SDC1: variants seen among roughly 807,000 people sequenced by gnomAD.
SDC1 encodes the protein syndecan 1.
In SDC1, 14 loss-of-function variants were observed where a neutral mutation model predicts 29.7. The observed-to-expected ratio is 0.47, with a 90% CI of 0.31 to 0.74. SDC1 has a LOEUF of 0.74. Ranked by LOEUF, SDC1 falls within the 30% of genes least tolerant of loss-of-function variation. The pLI is 0.05. For synonymous variants in SDC1, 204 were observed against 175.5 expected, an observed-to-expected ratio of 1.16 and a Z score of -1.29; for missense variants, 406 against 400.3, an observed-to-expected ratio of 1.01 and a Z score of -0.12.
intron 4 of SDC1, 22 bp downstream of exon 4, chr2:20,203,065 A>AC (rs759242322): frequency 8.2e-6 from 13 of 1,578,668 alleles, no homozygotes; most frequent in African/African-American, 4.1e-5. Context: ...ACCCCAAACT[A>AC]CCCCCCTGAA....
intron 1 of SDC1, among the ~76,000 whole-genome samples, chr2:20,205,931 G>A (rs933007515): frequency 6.6e-6 from 1 of 152,218 alleles, no homozygotes; most frequent in African/African-American, 2.4e-5. Flanking sequence ...CAGCCTCCAG[G>A]CATGCTGGCC....
At chr2:20,223,786 G>C (rs2148299639) in intron 1 of SDC1, among the ~76,000 whole-genome samples, 1 of 152,354 alleles carries the variant, frequency 6.6e-6, no homozygotes, top group East Asian at 1.9e-4. Flanking sequence ...CCGGTGGCCG[G>C]GGCGGGAGAG....
Position 20,202,955 on chromosome 2 carries a change from C to A in SDC1, c.764-20G>T. ...TGACCCCTAGGGCAGGTAGACGGGG[C>A]CAGCTCAGCTCAGCGGCTCCTTGGG... is the stretch of plus-strand genomic sequence containing the variant. On this transcript the variant is annotated intron_variant, in intron 4 of 4. Coordinates refer to ENST00000254351, the MANE Select transcript of SDC1 (RefSeq NM_002997.5). 1.3e-6 allele frequency: 2 copies of A among 1,595,742 alleles called. No homozygotes were observed. The highest frequency in any genetic ancestry group is 1.7e-5 in the Admixed American group (1 of 58,516).
At position 20,204,070 on chromosome 2, in the gene SDC1, G is replaced by A. The variant is rs375790781; in HGVS notation, c.370C>T (p.Arg124Ter). The A allele has an allele frequency of 6.9e-6, 11 of 1,596,536 alleles. No individual in the cohort carries two copies. Among genetic ancestry groups the A allele is most frequent in the Non-Finnish European group, 8.6e-6 (10 of 1,168,302 alleles). Residue 124 changes from arginine to a stop codon, truncating the protein, a stop_gained, in exon 3 of 5, where the codon CGA becomes TGA. Transcript: ENST00000254351. LOFTEE classifies it high-confidence loss of function. ...GGGAGCTGTGTGGTCTCCCTGGGTC[G>A]GGGGGTGGCCTCCTGCTCCCGGGCG... ...LTAREQEATP[R>*]PRETTQLPTT...
Position 20,204,273 on chromosome 2 carries a change from G to A in SDC1, c.167C>T (p.Thr56Ile). 1 of 1,580,174 alleles carries A rather than the reference G, an allele frequency of 6.3e-7. No individual in the cohort carries two copies. The highest frequency in any genetic ancestry group is 1.1e-5 in the South Asian group (1 of 90,678). The change falls in exon 3 of 5, where the codon ACC becomes ATC. Residue 56 changes from threonine to isoleucine, a missense_variant. Coordinates refer to ENST00000254351, the MANE Select transcript of SDC1 (RefSeq NM_002997.5). ...GSGAGALQDITLSQQTPSTWK... is the reference protein window; with the variant it reads ...GSGAGALQDIILSQQTPSTWK... Reference sequence around the variant, plus strand: ...AGTGGAGGGGGTCTGCTGTGACAAGGTGATATCTTGCAAAGCACCTGCAGG... The same window carrying A: ...AGTGGAGGGGGTCTGCTGTGACAAGATGATATCTTGCAAAGCACCTGCAGG...
Position 20,204,256 on chromosome 2 carries a change from G to C in SDC1, c.184C>G (p.Pro62Ala). Residue 62 changes from proline (P) to alanine (A), a missense_variant, in exon 3 of 5, where the codon CCC (proline) becomes GCC (alanine). Transcript: ENST00000254351. Reference sequence around the variant, plus strand: ...AGCTGCGTGTCCTTCCAAGTGGAGGGGGTCTGCTGTGACAAGGTGATATCT... The same window carrying C: ...AGCTGCGTGTCCTTCCAAGTGGAGGCGGTCTGCTGTGACAAGGTGATATCT... The part of the protein sequence containing the change: ...LQDITLSQQT[P>A]STWKDTQLLT... 1 of 1,598,518 alleles carries C rather than the reference G, an allele frequency of 6.3e-7. No individual in the cohort carries two copies. Among genetic ancestry groups the C allele is most frequent in the African/African-American group, 1.3e-5 (1 of 74,914 alleles).
At position 20,220,043 on chromosome 2, in the gene SDC1, ACAGG is replaced by A. The variant is rs546488878; in HGVS notation, c.66+4755_66+4758del. 8.4e-4 allele frequency among the ~76,000 whole-genome samples: 128 copies of A among 152,356 alleles called. 1 individual carries two copies. Among genetic ancestry groups the A allele is most frequent in the African/African-American group, 3.0e-3 (124 of 41,592 alleles). ...GGTCTGGCCTGAGGGCGCCATCCAAACAGGCCCCTCCACACCCAGTCCACATGGT... is the reference window on the plus strand; with the variant it reads ...GGTCTGGCCTGAGGGCGCCATCCAAACCCCTCCACACCCAGTCCACATGGT... On this transcript the variant is annotated intron_variant, in intron 1 of 4. Transcript: ENST00000254351.
At chr2:20,223,492 C>G in intron 1 of SDC1, 1 of 330,418 alleles carries the variant, frequency 3.0e-6, no homozygotes, top group Non-Finnish European at 5.9e-6. Context: ...GGCGAGACAC[C>G]GCCACTTCCG....
intron 1 of SDC1, among the ~76,000 whole-genome samples, chr2:20,206,602 T>C (rs1677279536): frequency 6.6e-6 from 1 of 152,150 alleles, no homozygotes; most frequent in Non-Finnish European, 1.5e-5. Flanking sequence ...ACAGTCTATC[T>C]TGAGAGGGCC....
chr2:20,211,102 T>C (rs887271147), intron 1 of SDC1, among the ~76,000 whole-genome samples: 2 of 151,898 alleles, frequency 1.3e-5, no homozygotes, highest in African/African-American at 4.8e-5. Flanking sequence ...TGGCTGAGGG[T>C]GATAACCAAA....
chr2:20,219,595 T>A (rs1007558549), intron 1 of SDC1, among the ~76,000 whole-genome samples: 1 of 152,134 alleles, frequency 6.6e-6, no homozygotes, highest in African/African-American at 2.4e-5. Context: ...AGTGGAAGGT[T>A]CCAGAATACA....
At chr2:20,217,855 G>C (rs1330207391) in intron 1 of SDC1, among the ~76,000 whole-genome samples, 1 of 152,078 alleles carries the variant, frequency 6.6e-6, no homozygotes, top group Non-Finnish European at 1.5e-5. Flanking sequence ...AGGACTCTTG[G>C]GTGTGTGTGC....
Position 20,202,563 on chromosome 2 carries a change from C to G in SDC1, c.*203G>C. On this transcript the variant is annotated 3_prime_UTR_variant, in exon 5 of 5. Transcript: ENST00000254351. Reference sequence around the variant, plus strand: ...GGTCCTATGCGAGAAACCCCTGGTGCCCTAAGTCTCCAGGCAGAAGTCAGA... The same window carrying G: ...GGTCCTATGCGAGAAACCCCTGGTGGCCTAAGTCTCCAGGCAGAAGTCAGA... 2 of 619,108 alleles carry G rather than the reference C, an allele frequency of 3.2e-6. No individual in the cohort carries two copies. The highest frequency in any genetic ancestry group is 5.7e-6 in the Non-Finnish European group (2 of 350,336). The allele number at this position is 619,108 out of a possible 1,614,324, so 38.4% of individuals were successfully genotyped here. A position where few individuals can be genotyped will look rare whatever the true frequency, so the allele number is the denominator to read the frequency against.
intron 1 of SDC1, among the ~76,000 whole-genome samples, chr2:20,221,862 A>T (rs1159354536): frequency 6.6e-6 from 1 of 152,140 alleles, no homozygotes; most frequent in Non-Finnish European, 1.5e-5. Context: ...GAAGCCAGGG[A>T]TGACATCACT....
chr2:20,207,777 T>C (rs1465163464), intron 1 of SDC1: 2 of 184,884 alleles, frequency 1.1e-5, no homozygotes, highest in Non-Finnish European at 2.0e-5. Context: ...CCACATCCGA[T>C]CTACAACATC....
chr2:20,212,146 T>C (rs1403513053), intron 1 of SDC1, among the ~76,000 whole-genome samples: 1 of 152,228 alleles, frequency 6.6e-6, no homozygotes, highest in Non-Finnish European at 1.5e-5. Context: ...ACAGGGGTTC[T>C]GTCCCCCAAG....
rs779039766 is a variant in SDC1 at position 20,202,259 on chromosome 2, C to T, written c.*507G>A. On this transcript the variant is annotated 3_prime_UTR_variant, in exon 5 of 5. Coordinates refer to ENST00000254351, the MANE Select transcript of SDC1 (RefSeq NM_002997.5). ...GAACTAGAGGAAACATGTGCAAAAA[C>T]AAGTCGATATCTAGATTAGACCTCC... 1.2e-5 allele frequency: 9 copies of T among 778,908 alleles called. No individual in the cohort carries two copies. Among genetic ancestry groups the T allele is most frequent in the Non-Finnish European group, 2.2e-5 (9 of 417,794 alleles). The allele number at this position is 778,908 out of a possible 1,614,324, so 48.2% of individuals were successfully genotyped here.
At chr2:20,210,376 G>A (rs1677425003) in intron 1 of SDC1, among the ~76,000 whole-genome samples, 1 of 152,160 alleles carries the variant, frequency 6.6e-6, no homozygotes, top group South Asian at 2.1e-4. Flanking sequence ...CAGAACATAT[G>A]GCCAGGTGTC....
intron 1 of SDC1, among the ~76,000 whole-genome samples, chr2:20,216,440 C>A (rs573135641): frequency 6.6e-6 from 1 of 152,306 alleles, no homozygotes; most frequent in South Asian, 2.1e-4. Context: ...GGAATGACAC[C>A]AGCCTCTAGG....
Sources: allele counts gnomAD v4.1 joint callset (sites outside exome capture counted in the v4.1 genomes callset), GRCh38; gene constraint gnomAD v4.1.1; transcripts MANE v1.5; gene names NCBI Gene and HGNC (gene_info 2026-07-23, HGNC 2026-07-21).